RBFOX1: variants seen among roughly 807,000 people sequenced by gnomAD.
RBFOX1 encodes the protein RNA binding protein fox-1 homolog 1.
Under a neutral mutation model 57.7 loss-of-function variants are expected in RBFOX1, and 8 were observed. That is an observed-to-expected ratio of 0.14 (90% CI 0.08 to 0.25). The LOEUF is 0.25. RBFOX1 is among the 10% of genes least tolerant of loss of function. RBFOX1 has a pLI of 1.00. For missense variants in RBFOX1, 611 were observed against 548.5 expected (o/e 1.11, Z -1.14); for synonymous variants, 326 against 222.4 (o/e 1.47, Z -4.15).
At chr16:5,554,646 C>G (rs1232664711) in intron 2 of RBFOX1, among the ~76,000 whole-genome samples, 2 of 152,118 alleles carry the variant, frequency 1.3e-5, no homozygotes, top group African/African-American at 2.4e-5. Context: ...TGATTCTGCA[C>G]TTACACAAAT....
intron 1 of RBFOX1, among the ~76,000 whole-genome samples, chr16:6,078,719 A>C (rs1203966179): frequency 6.6e-6 from 1 of 152,308 alleles, no homozygotes; most frequent in East Asian, 1.9e-4. Flanking sequence ...AGGGTACCAC[A>C]AATGGTAGCT....
intron 4 of RBFOX1, among the ~76,000 whole-genome samples, chr16:7,486,988 C>T (rs572743609): frequency 6.6e-6 from 1 of 152,160 alleles, no homozygotes; most frequent in African/African-American, 2.4e-5. Flanking sequence ...CAACCTCTGC[C>T]TCCCGGGTTC....
intron 1 of RBFOX1, among the ~76,000 whole-genome samples, chr16:6,081,608 T>C (rs2096002800): frequency 6.6e-6 from 1 of 152,216 alleles, no homozygotes; most frequent in South Asian, 2.1e-4. Flanking sequence ...ACAAAGAGCT[T>C]CCCGTGAGGT....
chr16:7,288,324 T>C (rs1013513020), intron 4 of RBFOX1, among the ~76,000 whole-genome samples: 1 of 152,150 alleles, frequency 6.6e-6, no homozygotes, highest in Non-Finnish European at 1.5e-5. Context: ...TACAATAAAG[T>C]AGAAGATTCA....
chr16:7,344,492 T>G (rs1039152440), intron 4 of RBFOX1, among the ~76,000 whole-genome samples: 8 of 150,680 alleles, frequency 5.3e-5, no homozygotes, highest in Non-Finnish European at 1.2e-4. Flanking sequence ...GCCATATAGT[T>G]ATAGGATAAT....
chr16:6,356,423 G>T (rs899298114), intron 2 of RBFOX1, among the ~76,000 whole-genome samples: 2 of 152,196 alleles, frequency 1.3e-5, no homozygotes, highest in African/African-American at 4.8e-5. Flanking sequence ...GGGCAACAGA[G>T]CGAGAACTTG....
chr16:7,296,502 C>G (rs1390118018), intron 4 of RBFOX1, among the ~76,000 whole-genome samples: 1 of 152,076 alleles, frequency 6.6e-6, no homozygotes, highest in Non-Finnish European at 1.5e-5. Context: ...TGTAAGGGTG[C>G]TACCATTGGC....
At chr16:7,324,936 C>T (rs2096592168) in intron 4 of RBFOX1, among the ~76,000 whole-genome samples, 1 of 152,156 alleles carries the variant, frequency 6.6e-6, no homozygotes, top group South Asian at 2.1e-4. Flanking sequence ...TTGCATTTTC[C>T]ATTTACAGAA....
intron 2 of RBFOX1, among the ~76,000 whole-genome samples, chr16:6,367,464 G>T (rs2089815047): frequency 6.6e-6 from 1 of 152,042 alleles, no homozygotes; most frequent in East Asian, 1.9e-4. Context: ...TAGAGACAGG[G>T]TTTCACTATA....
intron 2 of RBFOX1, among the ~76,000 whole-genome samples, chr16:5,478,965 A>T (rs1036104777): frequency 6.6e-6 from 1 of 152,138 alleles, no homozygotes; most frequent in Non-Finnish European, 1.5e-5. Flanking sequence ...ACCAGATTAT[A>T]ACTTGTGGCT....
intron 1 of RBFOX1, among the ~76,000 whole-genome samples, chr16:5,337,222 G>A (rs1263488382): frequency 1.3e-5 from 2 of 152,198 alleles, no homozygotes; most frequent in African/African-American, 2.4e-5. Context: ...GACTGGGCTT[G>A]TGAGAAACTC....
chr16:5,528,258 A>G (rs1432068515), intron 2 of RBFOX1, among the ~76,000 whole-genome samples: 1 of 152,100 alleles, frequency 6.6e-6, no homozygotes, highest in Non-Finnish European at 1.5e-5. Context: ...TACGGTGCCT[A>G]TCAGTTTTCC....
chr16:5,491,874 C>A (rs543814028), intron 2 of RBFOX1, among the ~76,000 whole-genome samples: 2 of 152,208 alleles, frequency 1.3e-5, no homozygotes, highest in Non-Finnish European at 2.9e-5. Context: ...CAGGTAACAA[C>A]AGACAAACAT....
chr16:6,814,199 GATA>G (rs1315707416), intron 3 of RBFOX1, among the ~76,000 whole-genome samples: 2 of 143,530 alleles, frequency 1.4e-5, no homozygotes, highest in East Asian at 4.1e-4. Context: ...TCAACATGAT[GATA>G]ATAACTGTTT....
intron 2 of RBFOX1, among the ~76,000 whole-genome samples, chr16:5,481,502 C>G (rs775398119): frequency 6.6e-6 from 1 of 152,156 alleles, no homozygotes; most frequent in Non-Finnish European, 1.5e-5. Flanking sequence ...CTTGTTACTA[C>G]TTGTCTGTAT....
chr16:5,394,504 T>C (rs989543442), intron 1 of RBFOX1, among the ~76,000 whole-genome samples: 2 of 152,060 alleles, frequency 1.3e-5, no homozygotes, highest in Admixed American at 6.6e-5. Flanking sequence ...CTCAAATCTC[T>C]TTTTTACCCC....
At chr16:7,605,870 A>C (rs2095264158) in intron 9 of RBFOX1, among the ~76,000 whole-genome samples, 1 of 151,850 alleles carries the variant, frequency 6.6e-6, no homozygotes, top group African/African-American at 2.4e-5. Flanking sequence ...ACAGAGTCTC[A>C]CTCTGTCACC....
At chr16:6,923,341 C>G (rs930889308) in intron 3 of RBFOX1, among the ~76,000 whole-genome samples, 2 of 152,084 alleles carry the variant, frequency 1.3e-5, no homozygotes, top group Non-Finnish European at 2.9e-5. Flanking sequence ...CAAGACCAGC[C>G]TGGCCAACAT....
At chr16:5,882,280 A>T (rs957776110) in intron 4 of RBFOX1, among the ~76,000 whole-genome samples, 7 of 152,192 alleles carry the variant, frequency 4.6e-5, no homozygotes, top group Admixed American at 3.9e-4. Context: ...TGGGCAACTG[A>T]GGTGCAGTCA....
Sources: allele counts gnomAD v4.1 joint callset (sites outside exome capture counted in the v4.1 genomes callset), GRCh38; gene constraint gnomAD v4.1.1; transcripts MANE v1.5; gene names NCBI Gene and HGNC (gene_info 2026-07-23, HGNC 2026-07-21).